The following PACRG variants were observed in gnomAD, a reference collection of about 807,000 sequenced individuals.
PACRG encodes the protein parkin coregulated.
A neutral mutation model predicts 29.7 loss-of-function variants in PACRG; 29 were observed. The ratio of observed to expected loss-of-function variants is 0.98; its 90% CI spans 0.73 to 1.33. The LOEUF (loss-of-function observed/expected upper bound fraction) is 1.33, where lower values mean the gene tolerates loss of function less well. Among genes scored for constraint, PACRG ranks in the 40% most tolerant of loss-of-function variants. The pLI is 0.00. For synonymous variants in PACRG, 116 were observed against 118.7 expected (o/e 0.98, Z 0.15); for missense variants, 279 against 316.2 (o/e 0.88, Z 0.89).
intron 2 of PACRG, among the ~76,000 whole-genome samples, chr6:162,947,182 C>T (rs557386131): frequency 6.7e-6 from 1 of 149,840 alleles, no homozygotes; most frequent in Non-Finnish European, 1.5e-5. Flanking sequence ...AATCATCCCT[C>T]TTTCCAGATG....
intron 4 of PACRG, among the ~76,000 whole-genome samples, chr6:163,166,735 ATATGTTTACCAAG>A (rs1778830521): frequency 6.6e-6 from 1 of 152,232 alleles, no homozygotes; most frequent in Non-Finnish European, 1.5e-5. Flanking sequence ...CTGGTAGGGG[ATATGTTTACCAAG>A]TATGTCACTG....
At chr6:162,736,748 A>G (rs894635448) in intron 1 of PACRG, among the ~76,000 whole-genome samples, 3 of 151,824 alleles carry the variant, frequency 2.0e-5, no homozygotes, top group African/African-American at 7.3e-5. Context: ...ATATTTTGAG[A>G]GCATATAGAG....
At chr6:163,208,425 A>C (rs1240348182) in intron 4 of PACRG, among the ~76,000 whole-genome samples, 5 of 152,062 alleles carry the variant, frequency 3.3e-5, no homozygotes, top group Non-Finnish European at 7.4e-5. Context: ...TTTTTAAAAA[A>C]AAAAGATTGT....
intron 2 of PACRG, among the ~76,000 whole-genome samples, chr6:163,045,805 G>T (rs1339347034): frequency 6.7e-6 from 1 of 148,852 alleles, no homozygotes; most frequent in Non-Finnish European, 1.5e-5. Context: ...TAGTAGAGAC[G>T]GGGTTTCACC....
intron 4 of PACRG, among the ~76,000 whole-genome samples, chr6:163,142,168 A>G (rs1304600319): frequency 6.6e-6 from 1 of 152,210 alleles, no homozygotes; most frequent in Non-Finnish European, 1.5e-5. Context: ...TTAGAAAGTG[A>G]GCAACAAGGT....
chr6:162,922,599 C>G (rs1202293769), intron 2 of PACRG, among the ~76,000 whole-genome samples: 2 of 151,928 alleles, frequency 1.3e-5, no homozygotes, highest in Non-Finnish European at 2.9e-5. Flanking sequence ...CTCTAGTCAC[C>G]ACAATTCCAC....
chr6:162,836,676 T>C (rs1490856055), intron 2 of PACRG, among the ~76,000 whole-genome samples: 2 of 152,190 alleles, frequency 1.3e-5, no homozygotes, highest in Admixed American at 1.3e-4. Context: ...TCAATCTTGC[T>C]CTTTTAGTCA....
intron 1 of PACRG, among the ~76,000 whole-genome samples, chr6:162,801,686 A>AAT (rs1470663124): frequency 9.2e-5 from 14 of 152,164 alleles, no homozygotes; most frequent in African/African-American, 3.1e-4. Flanking sequence ...TTTCATTTGG[A>AAT]CAAATGAATT....
chr6:162,850,211 T>G (rs1790743564), intron 2 of PACRG, among the ~76,000 whole-genome samples: 1 of 152,244 alleles, frequency 6.6e-6, no homozygotes, highest in Admixed American at 6.5e-5. Context: ...ATTAAACAAC[T>G]TATTTGTGTT....
At chr6:163,284,954 C>G (rs1364967614) in intron 4 of PACRG, among the ~76,000 whole-genome samples, 1 of 152,200 alleles carries the variant, frequency 6.6e-6, no homozygotes, top group South Asian at 2.1e-4. Flanking sequence ...CTAAACCAAG[C>G]CACTATCATC....
intron 1 of PACRG, among the ~76,000 whole-genome samples, chr6:162,785,203 G>GAGAGA (rs1784375481): frequency 2.0e-4 from 26 of 127,110 alleles, no homozygotes; most frequent in African/African-American, 8.3e-4. Context: ...AGAGAGAGAG[G>GAGAGA]GAGAGAAAGG....
chr6:163,227,473 T>G (rs1781852790), intron 4 of PACRG, among the ~76,000 whole-genome samples: 1 of 152,194 alleles, frequency 6.6e-6, no homozygotes, highest in Non-Finnish European at 1.5e-5. Flanking sequence ...ACTATAGCAC[T>G]GCTGTTCTAA....
chr6:163,239,228 T>C (rs550035434), intron 4 of PACRG, among the ~76,000 whole-genome samples: 1 of 152,314 alleles, frequency 6.6e-6, no homozygotes, highest in African/African-American at 2.4e-5. Context: ...ATGTAAGATA[T>C]GATTATTTTT....
chr6:163,315,112 T>TAACAG lies in PACRG; in HGVS notation c.*125_*126insAACAG. ...TTTCTACAGCTGCTAAAATAGTGGCTTATGGGCCATTGGACTGTTAGCCCT... is the reference window on the plus strand; with the variant it reads ...TTTCTACAGCTGCTAAAATAGTGGCTAACAGTATGGGCCATTGGACTGTTAGCCCT... On this transcript the variant is annotated 3_prime_UTR_variant, in exon 5 of 5. Transcript: ENST00000366888. 2 of 1,137,084 alleles carry TAACAG rather than the reference T, an allele frequency of 1.8e-6. No individual in the cohort carries two copies. Among genetic ancestry groups the TAACAG allele is most frequent in the Non-Finnish European group, 1.2e-6 (1 of 803,548 alleles). 70.4% of individuals were successfully genotyped at this position (1,137,084 alleles called of 1,614,324 possible).
chr6:163,174,874 C>T (rs973080924), intron 4 of PACRG, among the ~76,000 whole-genome samples: 5 of 151,978 alleles, frequency 3.3e-5, no homozygotes, highest in African/African-American at 4.8e-5. Context: ...TGAGTCCTCA[C>T]AGCACACGTA....
intron 2 of PACRG, among the ~76,000 whole-genome samples, chr6:163,035,389 C>T (rs1808072921): frequency 6.6e-6 from 1 of 151,970 alleles, no homozygotes; most frequent in African/African-American, 2.4e-5. Flanking sequence ...TGGCTCATGC[C>T]TATAATCTCA....
At chr6:163,028,050 C>T (rs1807306300) in intron 2 of PACRG, among the ~76,000 whole-genome samples, 1 of 152,202 alleles carries the variant, frequency 6.6e-6, no homozygotes, top group African/African-American at 2.4e-5. Context: ...TCCCATGGTG[C>T]TCTAGATGCC....
chr6:163,300,728 A>G (rs1784955882), intron 4 of PACRG, among the ~76,000 whole-genome samples: 1 of 152,264 alleles, frequency 6.6e-6, no homozygotes, highest in South Asian at 2.1e-4. Context: ...TCCCATAGTG[A>G]TACTACAAAA....
Position 163,178,862 on chromosome 6 carries a change from G to T in PACRG, c.613+89454G>T, listed in dbSNP as rs570116549. Among the ~76,000 whole-genome samples the T allele has an allele frequency of 7.9e-5, 12 of 152,088 alleles. No individual in the cohort carries two copies. In the South Asian group the frequency reaches 2.5e-3, roughly 32 times the overall value. ...GATGGTCATGGAATTCAGTCTCTCT[G>T]GTGTATTTTAAGTTGCCATTCAAAA... On this transcript the variant is annotated intron_variant, in intron 4 of 4. Transcript: ENST00000366888.
Sources: gnomAD v4.1 joint callset for allele counts (sites outside exome capture counted in the v4.1 genomes callset) on GRCh38, gnomAD v4.1.1 for gene constraint, MANE v1.5 for transcripts, NCBI Gene and HGNC (gene_info 2026-07-23, HGNC 2026-07-21) for gene names.